TP63: variants seen among roughly 807,000 people sequenced by gnomAD.
TP63 encodes the protein tumor protein p63.
A neutral mutation model predicts 82.8 loss-of-function variants in TP63; 17 were observed. The observed-to-expected ratio is 0.21, with a 90% CI of 0.14 to 0.31. The LOEUF (loss-of-function observed/expected upper bound fraction) is 0.31. Among genes scored for constraint, TP63 ranks in the 10% least tolerant of loss-of-function variants. The pLI is 1.00. For synonymous variants in TP63, 330 were observed against 321.7 expected (o/e 1.03, Z -0.28); for missense variants, 648 against 895.3 (o/e 0.72, Z 3.52).
intron 1 of TP63, among the ~76,000 whole-genome samples, chr3:189,637,716 A>T (rs766268695): frequency 5.3e-5 from 8 of 152,154 alleles, no homozygotes; most frequent in African/African-American, 9.7e-5. Context: ...AGGTAGGCAG[A>T]TATGGTAGGC....
chr3:189,597,077 C>T, the TP63 span, among the ~76,000 whole-genome samples: 3 of 152,150 alleles, frequency 2.0e-5, no homozygotes, highest in Non-Finnish European at 4.4e-5. Context: ...GACGCGCCAC[C>T]TTAAGAGCTG....
At chr3:189,602,458 G>A in the TP63 span, among the ~76,000 whole-genome samples, 5 of 152,276 alleles carry the variant, frequency 3.3e-5, no homozygotes, top group Non-Finnish European at 7.4e-5. Flanking sequence ...TAAGAAAGGA[G>A]GGAGGAGGGA....
In TP63 at chr3:189,695,879, C is replaced by T. The variant is rs117504151; in HGVS notation, c.63-41861C>T. ...GTACAGTGCTTATATATCGTTCATT[C>T]GGTTCATTTTACGTTAAATTTTATA... is the stretch of plus-strand genomic sequence containing the variant. On this transcript the variant is annotated intron_variant, in intron 1 of 13. Coordinates refer to ENST00000264731, the MANE Select transcript of TP63 (RefSeq NM_003722.5). Among the ~76,000 whole-genome samples, 55 of 152,066 alleles carry T rather than the reference C, an allele frequency of 3.6e-4. No homozygotes were observed. The East Asian group carries it at 8.7e-3, about 24-fold the overall frequency.
chr3:189,774,116 G>A (rs1434382347), intron 3 of TP63, among the ~76,000 whole-genome samples: 4 of 151,764 alleles, frequency 2.6e-5, no homozygotes, highest in Admixed American at 2.0e-4. Context: ...TAGAGACGGG[G>A]TTTCACCGTG....
chr3:189,613,448 A>T, the TP63 span, among the ~76,000 whole-genome samples: 1 of 152,246 alleles, frequency 6.6e-6, no homozygotes, highest in African/African-American at 2.4e-5. Context: ...ATATATGAAA[A>T]TGCCTGGATG....
intron 1 of TP63, among the ~76,000 whole-genome samples, chr3:189,704,704 C>T (rs1201951493): frequency 2.6e-5 from 4 of 152,192 alleles, no homozygotes; most frequent in Non-Finnish European, 4.4e-5. Context: ...AAATATTCCT[C>T]GACAGAATAG....
the TP63 span, among the ~76,000 whole-genome samples, chr3:189,619,053 C>G: frequency 0.4 from 60,192 of 151,996 alleles, 13,175 homozygotes; most frequent in Middle Eastern, 0.63. Flanking sequence ...TCCCCTCAAT[C>G]AAGTACCTGC....
In TP63 at chr3:189,773,060, C is replaced by T. The variant is rs76758264; in HGVS notation, c.324+34286C>T. On this transcript the variant is annotated intron_variant, in intron 3 of 13. Coordinates refer to ENST00000264731, the MANE Select transcript of TP63 (RefSeq NM_003722.5). The stretch of plus-strand genomic sequence containing the variant: ...GAAAATGTTTCCAAAGAAAGATCAG[C>T]GGTAAAGATTTGTTTTTGCCCTTTC... Among the ~76,000 whole-genome samples, 10 of 152,202 alleles carry T rather than the reference C, an allele frequency of 6.6e-5. No individual in the cohort carries two copies. In the East Asian group the frequency reaches 7.7e-4, roughly 12 times the overall value.
intron 1 of TP63, among the ~76,000 whole-genome samples, chr3:189,696,190 A>G (rs1397744209): frequency 6.6e-6 from 1 of 152,134 alleles, no homozygotes; most frequent in East Asian, 1.9e-4. Context: ...TCCTGTACTC[A>G]TCTATTCATC....
At chr3:189,692,832 C>T (rs942115722) in intron 1 of TP63, among the ~76,000 whole-genome samples, 6 of 152,134 alleles carry the variant, frequency 3.9e-5, no homozygotes, top group Non-Finnish European at 8.8e-5. Flanking sequence ...CTTCTCAAAA[C>T]GTGTCTTTTC....
At chr3:189,677,353 A>AATAATTATATATATAAATATATATAT (rs1453814334) in intron 1 of TP63, among the ~76,000 whole-genome samples, 1 of 147,218 alleles carries the variant, frequency 6.8e-6, no homozygotes, top group Non-Finnish European at 1.5e-5. Context: ...AATATATATA[A>AATAATTATATATATAAATATATATAT]ATAATTATAT....
chr3:189,599,377 A>G, the TP63 span, among the ~76,000 whole-genome samples: 1 of 152,206 alleles, frequency 6.6e-6, no homozygotes, highest in South Asian at 2.1e-4. Context: ...TGGACCCATC[A>G]ATTCCCATAA....
the TP63 span, among the ~76,000 whole-genome samples, chr3:189,601,432 A>C: frequency 1.3e-5 from 2 of 152,068 alleles, no homozygotes; most frequent in Non-Finnish European, 2.9e-5. Flanking sequence ...CTTTGGGACT[A>C]CTGTACATCA....
chr3:189,804,671 T>C (rs900260559), intron 3 of TP63, among the ~76,000 whole-genome samples: 1 of 152,222 alleles, frequency 6.6e-6, no homozygotes, highest in Non-Finnish European at 1.5e-5. Flanking sequence ...TTCTGAAGAA[T>C]GAATTTATTG....
At chr3:189,827,486 T>C (rs936763361) in intron 4 of TP63, among the ~76,000 whole-genome samples, 2 of 152,224 alleles carry the variant, frequency 1.3e-5, no homozygotes, top group African/African-American at 4.8e-5. Flanking sequence ...ACCTATTACC[T>C]AAACAAAGTG....
intron 1 of TP63, among the ~76,000 whole-genome samples, chr3:189,710,645 T>C (rs571451959): frequency 1.3e-5 from 2 of 152,268 alleles, no homozygotes; most frequent in East Asian, 3.9e-4. Context: ...ATACTGCAAT[T>C]TCTCTACATA....
At chr3:189,655,605 G>C (rs921843591) in intron 1 of TP63, among the ~76,000 whole-genome samples, 1 of 152,074 alleles carries the variant, frequency 6.6e-6, no homozygotes. Context: ...CTGGGCGACA[G>C]AGTGAGACTC....
rs1372953092 is a variant in TP63, at chr3:189,858,152, TCCCAGC to T, written c.580-6079_580-6074del. Among the ~76,000 whole-genome samples, 132 of 14,540 alleles carry T rather than the reference TCCCAGC, an allele frequency of 9.1e-3. 44 individuals are homozygous for T. Among genetic ancestry groups the T allele is most frequent in the African/African-American group, 0.03 (59 of 1,978 alleles). The allele number at this position is 14,540 out of a possible 152,430, so 9.5% of individuals were successfully genotyped here. ...CGGGCGCGGTGGCTCACGCCTGTAA[TCCCAGC>T]ACTTTGGGAGGCCGAGGCGGGCGGA... On this transcript the variant is annotated intron_variant, in intron 4 of 13. Coordinates refer to ENST00000264731, the MANE Select transcript of TP63 (RefSeq NM_003722.5).
intron 3 of TP63, among the ~76,000 whole-genome samples, chr3:189,761,849 G>C (rs962111424): frequency 1.3e-5 from 2 of 152,224 alleles, no homozygotes; most frequent in Non-Finnish European, 2.9e-5. Flanking sequence ...GCAAGGAGGA[G>C]CAAGTCACAT....
Sources: gnomAD v4.1 joint callset for allele counts (sites outside exome capture counted in the v4.1 genomes callset) on GRCh38, gnomAD v4.1.1 for gene constraint, MANE v1.5 for transcripts, NCBI Gene and HGNC (gene_info 2026-07-23, HGNC 2026-07-21) for gene names.